The following CEP112 variants were observed in gnomAD, a reference collection of about 807,000 sequenced individuals.
CEP112 encodes the protein centrosomal protein of 112 kDa.
A neutral mutation model predicts 153.0 loss-of-function variants in CEP112; 127 were observed. The observed-to-expected ratio is 0.83, with a 90% CI of 0.72 to 0.96. The LOEUF is 0.96. Ranked by LOEUF, CEP112 falls within the 40% of genes least tolerant of loss-of-function variation. The pLI, the probability that CEP112 is intolerant of heterozygous loss-of-function variation, is 0.00. For missense variants in CEP112, 1,089 were observed against 1,101.2 expected (o/e 0.99, Z 0.16); for synonymous variants, 358 against 374.4 (o/e 0.96, Z 0.51).
intron 16 of CEP112, among the ~76,000 whole-genome samples, chr17:66,024,934 G>A (rs62063394): frequency 0.52 from 78,240 of 151,886 alleles, 21,060 homozygotes; most frequent in African/African-American, 0.59. Context: ...CATGGAACTG[G>A]CATAAAAATA....
At chr17:65,805,661 T>C (rs1464635483) in intron 21 of CEP112, among the ~76,000 whole-genome samples, 1 of 152,222 alleles carries the variant, frequency 6.6e-6, no homozygotes, top group African/African-American at 2.4e-5. Context: ...CGGAACATTT[T>C]ATTCCTGGAC....
At chr17:66,023,414 T>C (rs1378241211) in intron 16 of CEP112, among the ~76,000 whole-genome samples, 4 of 152,096 alleles carry the variant, frequency 2.6e-5, no homozygotes, top group African/African-American at 7.2e-5. Context: ...TGGGATCCGA[T>C]CTTCAGAGTG....
chr17:65,803,143 T>G (rs912926425), intron 21 of CEP112, among the ~76,000 whole-genome samples: 1 of 152,250 alleles, frequency 6.6e-6, no homozygotes, highest in African/African-American at 2.4e-5. Flanking sequence ...GAGCTCCAGC[T>G]ATATGTATCT....
chr17:66,008,894 C>A (rs2064388976), intron 16 of CEP112, among the ~76,000 whole-genome samples: 1 of 152,060 alleles, frequency 6.6e-6, no homozygotes, highest in South Asian at 2.1e-4. Context: ...TTTCTTCCAT[C>A]CATAGATGAA....
intron 23 of CEP112, among the ~76,000 whole-genome samples, chr17:65,742,568 C>G (rs1189358386): frequency 1.3e-5 from 2 of 152,160 alleles, no homozygotes; most frequent in African/African-American, 2.4e-5. Context: ...TTGGAAACAA[C>G]CTAGTTTCTC....
chr17:65,723,238 A>G (rs1268443637), intron 23 of CEP112, among the ~76,000 whole-genome samples: 2 of 152,234 alleles, frequency 1.3e-5, no homozygotes, highest in Non-Finnish European at 2.9e-5. Context: ...AAGAAAAAAA[A>G]CTGGCCAAAC....
chr17:65,702,648 A>G (rs1420020347), intron 23 of CEP112, among the ~76,000 whole-genome samples: 1 of 152,238 alleles, frequency 6.6e-6, no homozygotes, highest in African/African-American at 2.4e-5. Flanking sequence ...TAATAAATGT[A>G]TTAGTCCATT....
rs1034135895 is a variant in CEP112, at chr17:66,005,982, G to A, written c.1657-213C>T. 1.3e-4 allele frequency among the ~76,000 whole-genome samples: 19 copies of A among 151,844 alleles called. 1 individual carries two copies. The highest frequency in any genetic ancestry group is 6.2e-4 in the South Asian group (3 of 4,808). Reference sequence around the variant, plus strand: ...TCAAAATGAATTTCTTGAGTCTACCGGCAGGTGAATTCTTTTAAAATAAAT... The same window carrying A: ...TCAAAATGAATTTCTTGAGTCTACCAGCAGGTGAATTCTTTTAAAATAAAT... On this transcript the variant is annotated intron_variant, in intron 16 of 26. Transcript: ENST00000535342.
intron 18 of CEP112, among the ~76,000 whole-genome samples, chr17:65,937,506 G>A (rs538077273): frequency 0.031 from 3,387 of 108,694 alleles, no homozygotes; most frequent in Middle Eastern, 0.19. Context: ...CCTGGCAACC[G>A]CCCCGTCTGA....
At chr17:65,966,576 A>G (rs537735032) in intron 17 of CEP112, among the ~76,000 whole-genome samples, 99 of 152,334 alleles carry the variant, frequency 6.5e-4, no homozygotes, top group Admixed American at 5.4e-3. Context: ...AAGAGTCCCC[A>G]TGCCCTTTCC....
At chr17:66,092,580 T>C (rs1273478919) in intron 8 of CEP112, among the ~76,000 whole-genome samples, 2 of 152,070 alleles carry the variant, frequency 1.3e-5, no homozygotes, top group Admixed American at 6.6e-5. Context: ...AAAGGAAAAT[T>C]ATAGGCCAAT....
At chr17:65,957,293 G>C (rs919203273) in intron 18 of CEP112, among the ~76,000 whole-genome samples, 3 of 152,166 alleles carry the variant, frequency 2.0e-5, no homozygotes, top group Non-Finnish European at 2.9e-5. Context: ...CATATAATTT[G>C]TTAGTTACAC....
intron 24 of CEP112, chr17:65,654,868 T>C: frequency 4.2e-6 from 2 of 477,216 alleles, no homozygotes; most frequent in South Asian, 3.4e-5. Flanking sequence ...TGAATAAGAT[T>C]GAGGTTGTCA....
intron 23 of CEP112, among the ~76,000 whole-genome samples, chr17:65,700,131 T>C (rs1180385491): frequency 1.3e-5 from 2 of 151,970 alleles, no homozygotes; most frequent in Non-Finnish European, 1.5e-5. Context: ...CTCTTCTCTC[T>C]CACTTGCGGA....
chr17:65,640,667 T>C (rs2045081841), intron 25 of CEP112, among the ~76,000 whole-genome samples: 1 of 152,198 alleles, frequency 6.6e-6, no homozygotes, highest in Admixed American at 6.5e-5. Context: ...ATTTTGGACC[T>C]GATACCAAGA....
intron 16 of CEP112, among the ~76,000 whole-genome samples, chr17:66,023,757 CATT>C (rs1238919391): frequency 6.6e-6 from 1 of 151,820 alleles, no homozygotes; most frequent in Non-Finnish European, 1.5e-5. Flanking sequence ...AACTAGATAA[CATT>C]ATAACAAGAA....
At chr17:65,935,087 G>A (rs1382050485) in intron 18 of CEP112, among the ~76,000 whole-genome samples, 2 of 152,084 alleles carry the variant, frequency 1.3e-5, no homozygotes, top group Non-Finnish European at 2.9e-5. Flanking sequence ...GGGATTATGG[G>A]GATTACAATT....
intron 21 of CEP112, among the ~76,000 whole-genome samples, chr17:65,769,028 G>GA (rs1197121444): frequency 6.6e-6 from 1 of 151,970 alleles, no homozygotes; most frequent in African/African-American, 2.4e-5. Context: ...TTGTGTATGT[G>GA]AAAAATCCCA....
chr17:65,736,006 G>A (rs1020730931), intron 23 of CEP112, among the ~76,000 whole-genome samples: 7 of 152,090 alleles, frequency 4.6e-5, no homozygotes, highest in East Asian at 1.9e-4. Flanking sequence ...CCATATTTGC[G>A]TTTTAGAAAA....
Sources: allele counts gnomAD v4.1 joint callset (sites outside exome capture counted in the v4.1 genomes callset), GRCh38; gene constraint gnomAD v4.1.1; transcripts MANE v1.5; gene names NCBI Gene and HGNC (gene_info 2026-07-23, HGNC 2026-07-21).